The following CDC42SE2 variants were observed in gnomAD, a reference collection of about 807,000 sequenced individuals.
The protein encoded by CDC42SE2 is CDC42 small effector protein 2.
CDC42SE2 carries 3 observed loss-of-function variants against 11.5 expected under a neutral mutation model. The observed-to-expected ratio is 0.26, with a 90% CI of 0.12 to 0.67. The LOEUF is 0.67. Ranked by LOEUF, CDC42SE2 falls within the 30% of genes least tolerant of loss-of-function variation. The probability of loss-of-function intolerance (pLI) is 0.80; values close to 1 mark genes in which losing one functional copy is unlikely to be tolerated. For synonymous variants in CDC42SE2, 33 were observed against 34.8 expected (o/e 0.95, Z 0.18); for missense variants, 82 against 106.8 (o/e 0.77, Z 1.02).
chr5:131,254,979 T>C (rs906106929), intron 1 of CDC42SE2: 5 of 152,090 alleles, frequency 3.3e-5, no homozygotes, highest in African/African-American at 2.4e-5. Flanking sequence ...AACCAAGAAC[T>C]GATGGGTAAA....
chr5:131,304,683 G>A (rs997024318), intron 1 of CDC42SE2, among the ~76,000 whole-genome samples: 3 of 152,096 alleles, frequency 2.0e-5, no homozygotes, highest in Non-Finnish European at 2.9e-5. Flanking sequence ...ATTATACTAG[G>A]TTAGTTAGAG....
chr5:131,381,322 G>GT (rs58641820), intron 3 of CDC42SE2, among the ~76,000 whole-genome samples: 4,276 of 146,228 alleles, frequency 0.029, 72 homozygotes, highest in Middle Eastern at 0.11. Context: ...GTTTTTTTTT[G>GT]TTTTTTTTTT....
chr5:131,291,955 T>C (rs2149709634), intron 1 of CDC42SE2, among the ~76,000 whole-genome samples: 1 of 151,992 alleles, frequency 6.6e-6, no homozygotes, highest in Admixed American at 6.6e-5. Context: ...TAAAAATGAG[T>C]ATCTTTGGCT....
At chr5:131,287,262 TGG>T (rs1757360783) in intron 1 of CDC42SE2, among the ~76,000 whole-genome samples, 1 of 152,196 alleles carries the variant, frequency 6.6e-6, no homozygotes, top group Non-Finnish European at 1.5e-5. Context: ...CCCAAAGTGC[TGG>T]GATTACAGGC....
chr5:131,338,622 C>A (rs1054498688), intron 2 of CDC42SE2, among the ~76,000 whole-genome samples: 2 of 152,184 alleles, frequency 1.3e-5, no homozygotes, highest in African/African-American at 4.8e-5. Flanking sequence ...TCACATAAAT[C>A]TTTGAGAAAA....
At chr5:131,212,579 C>T in the CDC42SE2 span, among the ~76,000 whole-genome samples, 5 of 152,330 alleles carry the variant, frequency 3.3e-5, 1 homozygote, top group South Asian at 1.0e-3. Flanking sequence ...GCTACACTCA[C>T]CACTTACGGA....
chr5:131,250,222 C>A (rs979119447), intron 1 of CDC42SE2, among the ~76,000 whole-genome samples: 1 of 152,132 alleles, frequency 6.6e-6, no homozygotes, highest in Admixed American at 6.6e-5. Flanking sequence ...GGAAACAACC[C>A]AGATGCATGC....
intron 1 of CDC42SE2, among the ~76,000 whole-genome samples, chr5:131,276,101 A>ATT (rs903852701): frequency 7.0e-6 from 1 of 143,652 alleles, no homozygotes. Context: ...TCAAGACAAG[A>ATT]TTTTTTTTTT....
chr5:131,355,617 T>C lies in CDC42SE2; in HGVS notation c.-285-3592T>C, dbSNP rs563791269. Among the ~76,000 whole-genome samples the C allele has an allele frequency of 3.9e-5, 6 of 152,318 alleles. No homozygotes were observed. In the South Asian group the frequency reaches 1.2e-3, roughly 32 times the overall value. On this transcript the variant is annotated intron_variant, in intron 2 of 4. Transcript: ENST00000505065. ...TGCTATAACTGTCACAGATCTTTTA[T>C]TTCAAAGTCCAAATTCTGAATTTTT...
rs184810527 is a variant in CDC42SE2 at position 131,338,733 on chromosome 5, T to C, written c.-285-20476T>C. Among the ~76,000 whole-genome samples, 398 of 152,296 alleles carry C rather than the reference T, an allele frequency of 2.6e-3. 3 individuals are homozygous for C. Among genetic ancestry groups the C allele is most frequent in the African/African-American group, 9.2e-3 (381 of 41,562 alleles). ...AGATACTGAGCGGAGGGATCCAGAA[T>C]TCAAACTTAGGCTGTGTAGTTTCAG... On this transcript the variant is annotated intron_variant, in intron 2 of 4. Coordinates refer to ENST00000505065, the MANE Select transcript of CDC42SE2 (RefSeq NM_001375635.1).
intron 2 of CDC42SE2, among the ~76,000 whole-genome samples, chr5:131,332,559 G>T (rs1400080695): frequency 6.6e-6 from 1 of 152,084 alleles, no homozygotes; most frequent in African/African-American, 2.4e-5. Context: ...TTCCACAATG[G>T]TTGAACTAGT....
chr5:131,265,528 T>G (rs1226465444), intron 1 of CDC42SE2, among the ~76,000 whole-genome samples: 1 of 152,170 alleles, frequency 6.6e-6, no homozygotes, highest in African/African-American at 2.4e-5. Context: ...AGCACCTGTT[T>G]ATGGGCACAG....
chr5:131,312,460 G>A (rs1173762210), intron 1 of CDC42SE2, among the ~76,000 whole-genome samples: 1 of 152,192 alleles, frequency 6.6e-6, no homozygotes, highest in Non-Finnish European at 1.5e-5. Flanking sequence ...AGCTGTGGTG[G>A]GCTCCACCCA....
At chr5:131,367,156 AATG>A (rs1411561559) in intron 3 of CDC42SE2, among the ~76,000 whole-genome samples, 1 of 151,762 alleles carries the variant, frequency 6.6e-6, no homozygotes, top group African/African-American at 2.4e-5. Context: ...TATATCATGT[AATG>A]ATATATATAT....
intron 1 of CDC42SE2, among the ~76,000 whole-genome samples, chr5:131,308,859 G>T (rs1332040107): frequency 2.6e-5 from 4 of 152,130 alleles, no homozygotes; most frequent in African/African-American, 9.7e-5. Flanking sequence ...AGATGATGGG[G>T]TTTTCTAGCT....
intron 1 of CDC42SE2, among the ~76,000 whole-genome samples, chr5:131,251,884 C>T (rs184479764): frequency 1.2e-4 from 18 of 152,192 alleles, no homozygotes; most frequent in East Asian, 1.9e-4. Context: ...TGGTGGCACA[C>T]GCCTCTGATC....
At chr5:131,261,851 C>A (rs550619898), upstream of CDC42SE2, among the ~76,000 whole-genome samples, 10 of 147,106 alleles carry the variant, frequency 6.8e-5, no homozygotes, top group Admixed American at 6.7e-4. Flanking sequence ...AAAGTGAGAC[C>A]CTGTCTCAAA....
chr5:131,338,406 T>C (rs1211719871), intron 2 of CDC42SE2, among the ~76,000 whole-genome samples: 1 of 152,218 alleles, frequency 6.6e-6, no homozygotes, highest in Non-Finnish European at 1.5e-5. Flanking sequence ...TATAATGGCC[T>C]GATAGATGGG....
chr5:131,378,793 TC>T (rs1429443425), intron 3 of CDC42SE2, among the ~76,000 whole-genome samples: 2 of 152,246 alleles, frequency 1.3e-5, no homozygotes, highest in Non-Finnish European at 2.9e-5. Context: ...CTTTTCTAGT[TC>T]CATACTGACT....
Sources: gnomAD v4.1 joint callset for allele counts (sites outside exome capture counted in the v4.1 genomes callset) on GRCh38, gnomAD v4.1.1 for gene constraint, MANE v1.5 for transcripts, NCBI Gene and HGNC (gene_info 2026-07-23, HGNC 2026-07-21) for gene names.